DPF3: variants seen among roughly 807,000 people sequenced by gnomAD.
DPF3 encodes double PHD fingers 3, also known as zinc finger protein DPF3.
DPF3 carries 18 observed loss-of-function variants against 56.8 expected under a neutral mutation model. That is an observed-to-expected ratio of 0.32 (90% confidence interval 0.22 to 0.47). The LOEUF (loss-of-function observed/expected upper bound fraction) is 0.47, where lower values mean the gene tolerates loss of function less well. DPF3 is among the 20% of genes least tolerant of loss of function. The pLI, the probability that DPF3 is intolerant of heterozygous loss-of-function variation, is 1.00. For missense variants in DPF3, 403 were observed against 488.8 expected (o/e 0.82, Z 1.65); for synonymous variants, 188 against 180.2 (o/e 1.04, Z -0.35).
At position 72,819,861 on chromosome 14, in the gene DPF3, C is replaced by T. The variant is rs1883454057; in HGVS notation, c.33-47968G>A. Among the ~76,000 whole-genome samples, 3 of 152,052 alleles carry T rather than the reference C, an allele frequency of 2.0e-5. No individual in the cohort carries two copies. In the South Asian group the frequency reaches 6.2e-4, roughly 32 times the overall value. On this transcript the variant is annotated intron_variant, in intron 1 of 10. Coordinates refer to ENST00000556509, the MANE Select transcript of DPF3 (RefSeq NM_001280542.3). ...ACTGAGGTGGGAGGATCACTTGAGC[C>T]CAGGAGGCAAAGGTTGCAGTGAGCT...
At chr14:72,756,845 A>G (rs9671595) in intron 2 of DPF3, among the ~76,000 whole-genome samples, 1 of 135,482 alleles carries the variant, frequency 7.4e-6, no homozygotes, top group African/African-American at 2.9e-5. Context: ...AGAAAGAAAG[A>G]AAGAAAGAAA....
chr14:72,744,722 C>T (rs1890258179), intron 3 of DPF3, among the ~76,000 whole-genome samples: 1 of 152,060 alleles, frequency 6.6e-6, no homozygotes, highest in Non-Finnish European at 1.5e-5. Context: ...GACTTCGTTG[C>T]TGAAACCTGC....
chr14:72,669,319 G>A (rs946403481), intron 8 of DPF3, among the ~76,000 whole-genome samples: 1 of 152,204 alleles, frequency 6.6e-6, no homozygotes, highest in Non-Finnish European at 1.5e-5. Flanking sequence ...GCAGCTACTT[G>A]GGTCTCCCAA....
At chr14:72,816,356 T>TTAGAGGG (rs1304551125) in intron 1 of DPF3, among the ~76,000 whole-genome samples, 2 of 152,216 alleles carry the variant, frequency 1.3e-5, no homozygotes, top group Admixed American at 6.5e-5. Context: ...TACACTTACG[T>TTAGAGGG]TATGTTATCT....
At chr14:72,637,273 A>G (rs1274864405) in intron 8 of DPF3, among the ~76,000 whole-genome samples, 2 of 152,204 alleles carry the variant, frequency 1.3e-5, no homozygotes, top group African/African-American at 4.8e-5. Context: ...GAGGGCATAC[A>G]TCATGGTTGG....
intron 1 of DPF3, among the ~76,000 whole-genome samples, chr14:72,874,052 C>T (rs556236356): frequency 2.9e-4 from 41 of 143,582 alleles, no homozygotes; most frequent in Non-Finnish European, 5.6e-4. Flanking sequence ...TGCACATGTA[C>T]CCTAAAACTT....
chr14:72,691,621 G>C (rs947762805), intron 7 of DPF3, among the ~76,000 whole-genome samples: 1 of 152,084 alleles, frequency 6.6e-6, no homozygotes, highest in Non-Finnish European at 1.5e-5. Context: ...CAACTGCTTG[G>C]GAGGCTGAGG....
intron 6 of DPF3, among the ~76,000 whole-genome samples, chr14:72,705,855 G>T (rs1888382242): frequency 6.6e-6 from 1 of 152,198 alleles, no homozygotes; most frequent in South Asian, 2.1e-4. Context: ...CAGCCTACCA[G>T]GAGGTAGGCA....
At position 72,763,783 on chromosome 14, in the gene DPF3, G is replaced by A. The variant is rs144110915; in HGVS notation, c.193+7950C>T. On this transcript the variant is annotated intron_variant, in intron 2 of 10. Coordinates refer to ENST00000556509, the MANE Select transcript of DPF3 (RefSeq NM_001280542.3). ...TCTGCTCTTTGAATGAGACTGCTAA[G>A]TTAATGAAAATACAAACCACAGATT... is the stretch of plus-strand genomic sequence containing the variant. Among the ~76,000 whole-genome samples the A allele has an allele frequency of 1.1e-4, 16 of 152,142 alleles. No individual in the cohort carries two copies. The East Asian group carries it at 2.9e-3, about 28-fold the overall frequency.
At chr14:72,763,714 G>C (rs1335834691) in intron 2 of DPF3, among the ~76,000 whole-genome samples, 1 of 152,100 alleles carries the variant, frequency 6.6e-6, no homozygotes, top group Admixed American at 6.6e-5. Flanking sequence ...CACAATTCAT[G>C]AAAGAATAAA....
intron 1 of DPF3, among the ~76,000 whole-genome samples, chr14:72,890,768 T>C (rs774470282): frequency 2.0e-5 from 3 of 152,210 alleles, no homozygotes; most frequent in Non-Finnish European, 4.4e-5. Context: ...TTTTGAATTC[T>C]ATTTGTCCAG....
intron 7 of DPF3, 76 bp from the exon 8 acceptor site, chr14:72,674,444 T>C: frequency 6.6e-7 from 1 of 1,517,752 alleles, no homozygotes; most frequent in South Asian, 1.3e-5. Context: ...TCCTACAGTG[T>C]GGTAGAATCT....
At chr14:72,816,795 G>A (rs1195908961) in intron 1 of DPF3, among the ~76,000 whole-genome samples, 2 of 152,144 alleles carry the variant, frequency 1.3e-5, no homozygotes, top group Non-Finnish European at 2.9e-5. Context: ...TCATCCCCTT[G>A]AAAAGCCAGT....
At chr14:72,669,115 G>A (rs1886559961) in intron 8 of DPF3, among the ~76,000 whole-genome samples, 2 of 152,222 alleles carry the variant, frequency 1.3e-5, no homozygotes, top group African/African-American at 4.8e-5. Flanking sequence ...TCTCAAGCAT[G>A]AGAAAAGTGG....
intron 6 of DPF3, among the ~76,000 whole-genome samples, chr14:72,706,697 C>G (rs1195708028): frequency 6.6e-6 from 1 of 152,154 alleles, no homozygotes; most frequent in Non-Finnish European, 1.5e-5. Context: ...CCTATACTCC[C>G]CACCATGACT....
intron 1 of DPF3, among the ~76,000 whole-genome samples, chr14:72,834,299 C>T (rs968591222): frequency 6.6e-6 from 1 of 152,032 alleles, no homozygotes; most frequent in Non-Finnish European, 1.5e-5. Context: ...GAGTTTGAGA[C>T]CAGCCTGGCC....
chr14:72,626,925 C>CTT (rs201737812), intron 9 of DPF3, among the ~76,000 whole-genome samples: 6,779 of 139,708 alleles, frequency 0.049, 332 homozygotes, highest in East Asian at 0.15. Flanking sequence ...TGCATTTGAA[C>CTT]TTTTTTTTTT....
In DPF3 at chr14:72,701,327, C is replaced by A. The variant is rs562294364; in HGVS notation, c.605-8114G>T. ...TGCACATGGAGAGCAGTGGCTGTGA[C>A]AATAAGGGAGGTCCAGCTTGCCTTC... On this transcript the variant is annotated intron_variant, in intron 6 of 10. Transcript: ENST00000556509. Among the ~76,000 whole-genome samples, 486 of 152,322 alleles carry A rather than the reference C, an allele frequency of 3.2e-3. 2 individuals are homozygous for A. Among genetic ancestry groups the A allele is most frequent in the Non-Finnish European group, 5.5e-3 (377 of 68,036 alleles).
chr14:72,786,387 T>C (rs1319149286), intron 1 of DPF3, among the ~76,000 whole-genome samples: 2 of 152,222 alleles, frequency 1.3e-5, no homozygotes, highest in African/African-American at 4.8e-5. Context: ...CTCCATCGTT[T>C]ATGGCAAGGG....
Sources: gnomAD v4.1 joint callset for allele counts (sites outside exome capture counted in the v4.1 genomes callset) on GRCh38, gnomAD v4.1.1 for gene constraint, MANE v1.5 for transcripts, NCBI Gene and HGNC (gene_info 2026-07-23, HGNC 2026-07-21) for gene names.